The following MTF1 variants were observed in gnomAD, a reference collection of about 807,000 sequenced individuals.
The protein encoded by MTF1 is MRE-binding transcription factor.
MTF1 carries 22 observed loss-of-function variants against 70.4 expected under a neutral mutation model. The observed-to-expected ratio is 0.31, with a 90% CI of 0.22 to 0.45. MTF1 has a LOEUF of 0.45. Ranked by LOEUF, MTF1 falls within the 20% of genes least tolerant of loss-of-function variation. The probability of loss-of-function intolerance (pLI) is 1.00; values close to 1 mark genes in which losing one functional copy is unlikely to be tolerated. For synonymous variants in MTF1, 333 were observed against 352.8 expected, an observed-to-expected ratio of 0.94 and a Z score of 0.63; for missense variants, 649 against 922.0, an observed-to-expected ratio of 0.70 and a Z score of 3.83.
chr1:37,817,311 T>C (rs969056004), intron 10 of MTF1, 108 bp downstream of exon 10: 3 of 742,024 alleles, frequency 4.0e-6, no homozygotes, highest in East Asian at 2.4e-5. Context: ...TAACTGAGGC[T>C]GTTTAAAGAT....
chr1:37,853,581 G>A (rs1184764287), intron 2 of MTF1, among the ~76,000 whole-genome samples: 1 of 152,186 alleles, frequency 6.6e-6, no homozygotes, highest in Non-Finnish European at 1.5e-5. Flanking sequence ...GTTGTAACAG[G>A]ACAACTGGCT....
intron 6 of MTF1, among the ~76,000 whole-genome samples, chr1:37,834,179 C>T (rs1244193411): frequency 2.0e-5 from 3 of 152,128 alleles, no homozygotes; most frequent in Non-Finnish European, 4.4e-5. Context: ...CACCACTACA[C>T]TCCAGCCTAC....
In MTF1 at chr1:37,857,277, C is replaced by T. The variant is rs1411477495; in HGVS notation, c.382G>A (p.Glu128Lys). 6.2e-7 allele frequency: 1 copy of T among 1,613,032 alleles called. No homozygotes were observed. The highest frequency in any genetic ancestry group is 8.5e-7 in the Non-Finnish European group (1 of 1,179,048). ...IEGATLTLQS[E>K]CPETKRKEVK... Reference sequence around the variant, plus strand: ...TCTTTACGTTTTGTTTCCGGACATTCCGACTGCAGAGTGAGGGTTGCACCT... The same window carrying T: ...TCTTTACGTTTTGTTTCCGGACATTTCGACTGCAGAGTGAGGGTTGCACCT... The change falls in exon 2 of 11, where the codon GAA becomes AAA. Residue 128 changes from glutamate (E) to lysine (K), a missense_variant. Glu to Lys is a moderately conservative substitution (Grantham distance 56, BLOSUM62 1). This residue lies in a region of MTF1 where 118 missense variants were observed against 287.2 expected (regional missense o/e 0.41). Coordinates refer to ENST00000373036, the MANE Select transcript of MTF1 (RefSeq NM_005955.3).
Position 37,813,273 on chromosome 1 carries a change from G to C in MTF1, c.*1863C>G, listed in dbSNP as rs1640764015. On this transcript the variant is annotated 3_prime_UTR_variant, in exon 11 of 11. Transcript: ENST00000373036. ...GCCAGGGCAACAAAAGCAAAACTCTGTCTCAAAAAAAAAAAGAAGTCAATT... is the reference window on the plus strand; with the variant it reads ...GCCAGGGCAACAAAAGCAAAACTCTCTCTCAAAAAAAAAAAGAAGTCAATT... The C allele has an allele frequency of 6.6e-6, 1 of 150,388 alleles. No homozygotes were observed. The highest frequency in any genetic ancestry group is 2.1e-4 in the South Asian group (1 of 4,794). The allele number at this position is 150,388 out of a possible 1,614,324, so 9.3% of individuals were successfully genotyped here.
rs779053132 is a variant in MTF1 at position 37,832,341 on chromosome 1, T to C, written c.991-19A>G. 1 of 1,542,106 alleles carries C rather than the reference T, an allele frequency of 6.5e-7. No individual in the cohort carries two copies. Among genetic ancestry groups the C allele is most frequent in the East Asian group, 2.2e-5 (1 of 44,456 alleles). ...TTGTATCCTGTGAAAGAGAAAAAAT[T>C]CTAATTGAGTAACAAAAATCAGGAT... On this transcript the variant is annotated intron_variant, in intron 6 of 10. Transcript: ENST00000373036.
chr1:37,835,679 G>T lies in MTF1; in HGVS notation c.845C>A (p.Thr282Lys), dbSNP rs1232023423. ...AATTGGCCTAAACTCACCAGTATGT[G>T]TACGAACGTGAGTTTTAAGGTGGTG... Reference protein sequence around the residue: ...ASHHLKTHVRTHTGERPFFCP... With the variant: ...ASHHLKTHVRKHTGERPFFCP... The change falls in exon 5 of 11, where the codon ACA becomes AAA. Residue 282 changes from threonine to lysine, a missense_variant. Around this residue, in one of 7 missense-constraint regions of MTF1, gnomAD observed 118 missense variants for 287.2 expected, o/e 0.41. Transcript: ENST00000373036. The T allele has an allele frequency of 6.2e-7, 1 of 1,614,008 alleles. No individual in the cohort carries two copies. Among genetic ancestry groups the T allele is most frequent in the South Asian group, 1.1e-5 (1 of 91,086 alleles).
chr1:37,850,682 T>C (rs1334537186), intron 2 of MTF1, among the ~76,000 whole-genome samples: 1 of 152,010 alleles, frequency 6.6e-6, no homozygotes, highest in Non-Finnish European at 1.5e-5. Flanking sequence ...ACCAGCGGCC[T>C]TGTGGTAGGA....
chr1:37,832,935 G>A (rs949303124), intron 6 of MTF1, among the ~76,000 whole-genome samples: 7 of 151,896 alleles, frequency 4.6e-5, no homozygotes, highest in African/African-American at 7.3e-5. Flanking sequence ...GAACCTGGGC[G>A]GCAGAGGTTG....
At chr1:37,819,708 T>TTGGGAGGCCGAGG (rs1166597111) in intron 9 of MTF1, among the ~76,000 whole-genome samples, 1 of 151,892 alleles carries the variant, frequency 6.6e-6, no homozygotes, top group East Asian at 1.9e-4. Context: ...TCCCAGCACT[T>TTGGGAGGCCGAGG]TGGGAGGCCG....
rs112655167 is a variant in MTF1 at position 37,856,005 on chromosome 1, C to G, written c.408+1246G>C. Among the ~76,000 whole-genome samples the G allele has an allele frequency of 2.6e-3, 396 of 152,042 alleles. 4 individuals are homozygous for G. Among genetic ancestry groups the G allele is most frequent in the Admixed American group, 1.3e-3 (20 of 15,270 alleles). On this transcript the variant is annotated intron_variant, in intron 2 of 10. Coordinates refer to ENST00000373036, the MANE Select transcript of MTF1 (RefSeq NM_005955.3). The stretch of plus-strand genomic sequence containing the variant: ...ATAATGTATATCACTACCTTTAAAC[C>G]AGAACTTTTATTCTGCTAATAATAA...
intron 10 of MTF1, among the ~76,000 whole-genome samples, chr1:37,816,268 A>C (rs1174722251): frequency 1.3e-5 from 2 of 152,222 alleles, no homozygotes; most frequent in African/African-American, 4.8e-5. Context: ...GCAGTGGCTC[A>C]TGCCTGTATG....
Position 37,835,740 on chromosome 1 carries a change from C to T in MTF1, c.784G>A (p.Asp262Asn), listed in dbSNP as rs1269651707. 3 of 1,613,588 alleles carry T rather than the reference C, an allele frequency of 1.9e-6. No individual in the cohort carries two copies. Among genetic ancestry groups the T allele is most frequent in the Non-Finnish European group, 2.5e-6 (3 of 1,179,702 alleles). The change falls in exon 5 of 11, where the codon GAT (aspartate) becomes AAT (asparagine). Residue 262 changes from aspartate (D) to asparagine (N), a missense_variant. Physicochemically the swap from Asp to Asn is conservative, Grantham distance 23 (BLOSUM62 1). This residue lies in a region of MTF1 where 118 missense variants were observed against 287.2 expected (regional missense o/e 0.41). Coordinates refer to ENST00000373036, the MANE Select transcript of MTF1 (RefSeq NM_005955.3). ...THTGEKPFRC[D>N]HDGCGKAFAA... ...AATGCTTTTCCACAGCCATCGTGAT[C>T]GCACCTAAATTTGTTAAGGAAAGAG...
rs774343081 is a variant in MTF1 at position 37,810,349 on chromosome 1, C to A, written c.*4787G>T. On this transcript the variant is annotated 3_prime_UTR_variant, in exon 11 of 11. Coordinates refer to ENST00000373036, the MANE Select transcript of MTF1 (RefSeq NM_005955.3). ...AATTTTTGGCCCAACAGGCACACCACCAAAAGGGCAGTGTGTGGTTTTAAA... is the reference window on the plus strand; with the variant it reads ...AATTTTTGGCCCAACAGGCACACCAACAAAAGGGCAGTGTGTGGTTTTAAA... The A allele has an allele frequency of 6.6e-6, 1 of 152,410 alleles. No individual in the cohort carries two copies. Among genetic ancestry groups the A allele is most frequent in the Admixed American group, 6.5e-5 (1 of 15,284 alleles). 9.4% of individuals were successfully genotyped at this position (152,410 alleles called of 1,614,324 possible).
At chr1:37,854,857 C>T (rs891991419) in intron 2 of MTF1, among the ~76,000 whole-genome samples, 2 of 152,066 alleles carry the variant, frequency 1.3e-5, no homozygotes, top group Non-Finnish European at 2.9e-5. Flanking sequence ...GTCAGGAGTT[C>T]GAGATCAGCC....
rs997832079 is a variant in MTF1, at chr1:37,846,566, G to A, written c.409-6408C>T. On this transcript the variant is annotated intron_variant, in intron 2 of 10. Transcript: ENST00000373036. The stretch of plus-strand genomic sequence containing the variant: ...CATGCTAGTAATGGGCACAAAGTAG[G>A]AGCTTTCAGAGAATTGATGCTGATT... Among the ~76,000 whole-genome samples, 7 of 152,120 alleles carry A rather than the reference G, an allele frequency of 4.6e-5. No individual in the cohort carries two copies. In the South Asian group the frequency reaches 1.4e-3, roughly 31 times the overall value.
intron 7 of MTF1, among the ~76,000 whole-genome samples, chr1:37,830,676 T>A (rs1290578402): frequency 6.6e-6 from 1 of 152,240 alleles, no homozygotes; most frequent in Non-Finnish European, 1.5e-5. Flanking sequence ...AAATGATATA[T>A]TTTAGAGACT....
At chr1:37,838,524 C>G in intron 4 of MTF1, 101 bp downstream of exon 4, 1 of 995,922 alleles carries the variant, frequency 1.0e-6, no homozygotes, top group Non-Finnish European at 1.5e-6. Context: ...AAATCAAGAG[C>G]TAGTAAAGGG....
At chr1:37,835,888 C>T (rs957095681) in intron 4 of MTF1, 144 bp from the exon 5 acceptor site, 7 of 630,552 alleles carry the variant, frequency 1.1e-5, no homozygotes, top group Admixed American at 9.9e-5. Context: ...GCAAGCTCCA[C>T]CTCCCGGGTT....
At chr1:37,822,825 A>C (rs1640939338) in intron 8 of MTF1, 109 bp from the exon 9 acceptor site, 2 of 713,404 alleles carry the variant, frequency 2.8e-6, no homozygotes, top group Non-Finnish European at 4.6e-6. Flanking sequence ...CACTGAGCTG[A>C]TCTCTTCATA....
Sources: allele counts gnomAD v4.1 joint callset (sites outside exome capture counted in the v4.1 genomes callset), GRCh38; gene constraint gnomAD v4.1.1; regional missense constraint gnomAD v4.1.1; transcripts MANE v1.5; gene names NCBI Gene and HGNC (gene_info 2026-07-23, HGNC 2026-07-21).